Variants in CDYL2 observed in about 807,000 individuals in gnomAD.
The protein encoded by CDYL2 is chromodomain Y-like protein 2.
A neutral mutation model predicts 49.4 loss-of-function variants in CDYL2; 23 were observed. The ratio of observed to expected loss-of-function variants is 0.47; its 90% CI spans 0.34 to 0.66. The LOEUF (loss-of-function observed/expected upper bound fraction) is 0.66. Among genes scored for constraint, CDYL2 ranks in the 30% least tolerant of loss-of-function variants. CDYL2 has a pLI of 0.01. For synonymous variants in CDYL2, 360 were observed against 268.8 expected (o/e 1.34, Z -3.32); for missense variants, 678 against 656.4 (o/e 1.03, Z -0.36).
intron 2 of CDYL2, among the ~76,000 whole-genome samples, chr16:80,647,680 G>A (rs183270893): frequency 6.6e-6 from 1 of 152,114 alleles, no homozygotes; most frequent in African/African-American, 2.4e-5. Flanking sequence ...CTGCACTATA[G>A]GCCAAATGGA....
chr16:80,644,407 C>G (rs935048563), intron 2 of CDYL2, among the ~76,000 whole-genome samples: 1 of 152,200 alleles, frequency 6.6e-6, no homozygotes, highest in Admixed American at 6.5e-5. Context: ...CTGCCTGTTA[C>G]CCAGTTCCAA....
intron 1 of CDYL2, among the ~76,000 whole-genome samples, chr16:80,702,360 GA>G (rs969467227): frequency 7.9e-5 from 12 of 151,340 alleles, no homozygotes; most frequent in East Asian, 5.8e-4. Context: ...AAGAAATCAA[GA>G]AAAAAAGTGT....
At chr16:80,722,473 T>C (rs1279515790) in intron 1 of CDYL2, among the ~76,000 whole-genome samples, 4 of 152,212 alleles carry the variant, frequency 2.6e-5, no homozygotes, top group Non-Finnish European at 5.9e-5. Flanking sequence ...CTCCTCTGGA[T>C]GAGACACCTT....
intron 2 of CDYL2, among the ~76,000 whole-genome samples, chr16:80,663,917 T>G (rs1168633340): frequency 6.6e-6 from 1 of 152,172 alleles, no homozygotes; most frequent in East Asian, 1.9e-4. Flanking sequence ...TTCAGCAGTG[T>G]AAAGCATGAA....
At chr16:80,694,885 C>A (rs1363266262) in intron 1 of CDYL2, among the ~76,000 whole-genome samples, 1 of 152,104 alleles carries the variant, frequency 6.6e-6, no homozygotes, top group East Asian at 1.9e-4. Context: ...TAAATAAACC[C>A]ACAATGACGG....
Position 80,633,011 on chromosome 16 carries a change from C to A in CDYL2, c.834+8G>T. The A allele has an allele frequency of 6.2e-7, 1 of 1,611,412 alleles. No individual in the cohort carries two copies. Among genetic ancestry groups the A allele is most frequent in the East Asian group, 2.2e-5 (1 of 44,822 alleles). Reference sequence around the variant, plus strand: ...AGCTTGCCCTTCCCTCTGGCCGCCACCCCTTACCTCAGGTGTCAGGGCATT... The same window carrying A: ...AGCTTGCCCTTCCCTCTGGCCGCCAACCCTTACCTCAGGTGTCAGGGCATT... On this transcript the variant is annotated splice_region_variant and intron_variant, in intron 3 of 6. Transcript: ENST00000570137.
chr16:80,640,243 T>A (rs959736050), intron 2 of CDYL2, among the ~76,000 whole-genome samples: 1 of 150,884 alleles, frequency 6.6e-6, no homozygotes, highest in African/African-American at 2.4e-5. Flanking sequence ...GAGAGAAGAG[T>A]AGGGAGGACT....
At chr16:80,670,834 G>A in intron 2 of CDYL2, 1 of 447,056 alleles carries the variant, frequency 2.2e-6, no homozygotes, top group South Asian at 1.6e-5. Flanking sequence ...CAGTCGGGTT[G>A]CACACGAGGA....
chr16:80,701,479 T>C (rs1210255938), intron 1 of CDYL2, among the ~76,000 whole-genome samples: 4 of 152,200 alleles, frequency 2.6e-5, no homozygotes, highest in Admixed American at 1.3e-4. Context: ...TTTAAATTAA[T>C]TTGATTTCTG....
At chr16:80,754,356 T>C (rs973615962) in intron 1 of CDYL2, among the ~76,000 whole-genome samples, 5 of 152,036 alleles carry the variant, frequency 3.3e-5, no homozygotes, top group Non-Finnish European at 5.9e-5. Flanking sequence ...TGGACAAGAA[T>C]CTAGGATTTG....
At chr16:80,783,176 A>G (rs11859962) in intron 1 of CDYL2, among the ~76,000 whole-genome samples, 1 of 152,206 alleles carries the variant, frequency 6.6e-6, no homozygotes, top group Non-Finnish European at 1.5e-5. Flanking sequence ...CAACAAAAAA[A>G]CAAACACCTC....
chr16:80,718,853 C>A (rs1428161413), intron 1 of CDYL2, among the ~76,000 whole-genome samples: 1 of 152,082 alleles, frequency 6.6e-6, no homozygotes, highest in Non-Finnish European at 1.5e-5. Context: ...AGCAGGGGAG[C>A]GCCTGGGGTC....
chr16:80,693,787 G>C (rs1384440780), intron 1 of CDYL2, among the ~76,000 whole-genome samples: 1 of 152,102 alleles, frequency 6.6e-6, no homozygotes, highest in Non-Finnish European at 1.5e-5. Context: ...AAACCACAGA[G>C]CTGTAGACCA....
intron 2 of CDYL2, among the ~76,000 whole-genome samples, chr16:80,661,855 T>C (rs996844134): frequency 6.6e-6 from 1 of 152,170 alleles, no homozygotes; most frequent in Admixed American, 6.5e-5. Context: ...GGGATAAGCC[T>C]GAGATGTATT....
chr16:80,771,774 A>T (rs1363690421), intron 1 of CDYL2, among the ~76,000 whole-genome samples: 1 of 152,178 alleles, frequency 6.6e-6, no homozygotes, highest in African/African-American at 2.4e-5. Context: ...AGATTTCTAG[A>T]AGTAAAAAAT....
chr16:80,687,505 G>T (rs2142480658), intron 1 of CDYL2, among the ~76,000 whole-genome samples: 1 of 152,178 alleles, frequency 6.6e-6, no homozygotes, highest in Admixed American at 6.5e-5. Flanking sequence ...TAGATGGATG[G>T]TAGGATGTAT....
At chr16:80,677,669 G>A (rs954046143) in intron 2 of CDYL2, among the ~76,000 whole-genome samples, 7 of 152,002 alleles carry the variant, frequency 4.6e-5, no homozygotes, top group African/African-American at 7.2e-5. Context: ...AACTCAGGAG[G>A]CGGAGCTTGC....
intron 1 of CDYL2, among the ~76,000 whole-genome samples, chr16:80,784,051 T>C (rs1294811553): frequency 6.6e-6 from 1 of 152,242 alleles, no homozygotes; most frequent in East Asian, 1.9e-4. Flanking sequence ...TATGTTATAC[T>C]GTATATATTT....
intron 1 of CDYL2, among the ~76,000 whole-genome samples, chr16:80,760,503 A>C (rs934646508): frequency 2.6e-5 from 4 of 152,228 alleles, no homozygotes; most frequent in Non-Finnish European, 5.9e-5. Flanking sequence ...TGTTTATAAC[A>C]CAAAGGATAA....
Sources: gnomAD v4.1 joint callset for allele counts (sites outside exome capture counted in the v4.1 genomes callset) on GRCh38, gnomAD v4.1.1 for gene constraint, MANE v1.5 for transcripts, NCBI Gene and HGNC (gene_info 2026-07-23, HGNC 2026-07-21) for gene names.